DOCK8: variants seen among roughly 807,000 people sequenced by gnomAD.
DOCK8 encodes the protein dedicator of cytokinesis protein 8.
A neutral mutation model predicts 245.6 loss-of-function variants in DOCK8; 141 were observed. That is an observed-to-expected ratio of 0.57 (90% CI 0.50 to 0.66). The LOEUF is 0.66. Ranked by LOEUF, DOCK8 falls within the 30% of genes least tolerant of loss-of-function variation. The pLI, the probability that DOCK8 is intolerant of heterozygous loss-of-function variation, is 0.00. For missense variants in DOCK8, 2,965 were observed against 2,603.4 expected (o/e 1.14, Z -3.02); for synonymous variants, 1,168 against 970.2 (o/e 1.20, Z -3.79).
chr9:246,546 C>A (rs1197607517), intron 1 of DOCK8, among the ~76,000 whole-genome samples: 2 of 151,856 alleles, frequency 1.3e-5, no homozygotes, highest in African/African-American at 2.4e-5. Context: ...AAAAATGTTC[C>A]CTTAGATCCA....
intron 1 of DOCK8, among the ~76,000 whole-genome samples, chr9:250,222 C>T (rs1467459418): frequency 6.6e-6 from 1 of 152,096 alleles, no homozygotes; most frequent in Non-Finnish European, 1.5e-5. Context: ...CAGGAAATGG[C>T]CAAGGCTCAT....
intron 7 of DOCK8, among the ~76,000 whole-genome samples, chr9:322,732 G>T (rs2050570833): frequency 1.3e-5 from 2 of 152,166 alleles, no homozygotes; most frequent in South Asian, 4.1e-4. Flanking sequence ...CCTTTGTGTA[G>T]TAGGGAGTAA....
At chr9:292,143 G>C (rs919696080) in intron 4 of DOCK8, among the ~76,000 whole-genome samples, 11 of 149,222 alleles carry the variant, frequency 7.4e-5, no homozygotes, top group African/African-American at 2.5e-4. Context: ...GGCCAAGACG[G>C]GTGGATCACC....
chr9:444,109 A>G (rs929096284), intron 43 of DOCK8, among the ~76,000 whole-genome samples: 5 of 152,044 alleles, frequency 3.3e-5, no homozygotes. Context: ...CACTTTCACA[A>G]GAGGGTATGT....
At chr9:343,065 A>G (rs148336271) in intron 14 of DOCK8, among the ~76,000 whole-genome samples, 242 of 152,254 alleles carry the variant, frequency 1.6e-3, no homozygotes, top group African/African-American at 5.4e-3. Context: ...CCTCACCCAT[A>G]CTTTCCAGTA....
chr9:271,275 C>T (rs2048158552), intron 1 of DOCK8, among the ~76,000 whole-genome samples: 1 of 152,168 alleles, frequency 6.6e-6, no homozygotes, highest in South Asian at 2.1e-4. Flanking sequence ...GGATTCTAGT[C>T]AGATACCAGA....
At chr9:361,284 G>C (rs1382810261) in intron 14 of DOCK8, among the ~76,000 whole-genome samples, 1 of 152,126 alleles carries the variant, frequency 6.6e-6, no homozygotes, top group Non-Finnish European at 1.5e-5. Flanking sequence ...CACAGACTGA[G>C]AGAAATGGAA....
At chr9:360,421 A>C (rs1212370046) in intron 14 of DOCK8, among the ~76,000 whole-genome samples, 3 of 152,126 alleles carry the variant, frequency 2.0e-5, no homozygotes, top group Non-Finnish European at 4.4e-5. Flanking sequence ...AGATTTCCCT[A>C]AGCTGGAAGC....
intron 3 of DOCK8, among the ~76,000 whole-genome samples, chr9:287,947 G>A (rs1336369985): frequency 6.6e-6 from 1 of 152,098 alleles, no homozygotes; most frequent in Non-Finnish European, 1.5e-5. Flanking sequence ...GCTGAGGCAA[G>A]AGGATCACTT....
Position 286,652 on chromosome 9 carries a change from A to C in DOCK8, c.332+16A>C. On this transcript the variant is annotated intron_variant, in intron 3 of 47. Transcript: ENST00000432829. ...CGGAGGAAGGGTAAATAGTTTTCTA[A>C]AATGTAGATGTGATTGGGATTGTCA... is the stretch of plus-strand genomic sequence containing the variant. 6.2e-7 allele frequency: 1 copy of C among 1,613,178 alleles called. No individual in the cohort carries two copies. Among genetic ancestry groups the C allele is most frequent in the Non-Finnish European group, 8.5e-7 (1 of 1,179,242 alleles).
chr9:419,655 T>A (rs1219701001), intron 30 of DOCK8, among the ~76,000 whole-genome samples: 1 of 152,192 alleles, frequency 6.6e-6, no homozygotes, highest in Non-Finnish European at 1.5e-5. Context: ...ACCAGTACAT[T>A]CCACTGGATA....
chr9:399,063 T>C (rs916813371), intron 25 of DOCK8, 83 bp from the exon 26 acceptor site: 4 of 1,277,834 alleles, frequency 3.1e-6, no homozygotes, highest in Non-Finnish European at 4.5e-6. Flanking sequence ...AGGACCTGTC[T>C]CTCCCAATGT....
intron 10 of DOCK8, 112 bp downstream of exon 10, chr9:332,590 G>C (rs1329583006): frequency 1.3e-4 from 64 of 493,948 alleles, no homozygotes; most frequent in East Asian, 5.1e-4. Flanking sequence ...CCCTATATAA[G>C]ACACTACTAC....
intron 1 of DOCK8, among the ~76,000 whole-genome samples, chr9:221,398 C>G (rs190377544): frequency 3.3e-5 from 5 of 152,280 alleles, no homozygotes; most frequent in Admixed American, 2.6e-4. Context: ...ATAGTTGCAT[C>G]TGTACTGAAC....
At chr9:413,893 G>GC (rs748844968) in intron 28 of DOCK8, among the ~76,000 whole-genome samples, 1 of 152,204 alleles carries the variant, frequency 6.6e-6, no homozygotes, top group Non-Finnish European at 1.5e-5. Flanking sequence ...TATAATCTCA[G>GC]CACTTTGGGA....
chr9:449,720 C>T, intron 44 of DOCK8, 64 bp from the exon 45 acceptor site: 1 of 1,610,118 alleles, frequency 6.2e-7, no homozygotes, highest in Non-Finnish European at 8.5e-7. Flanking sequence ...TGTCATAGCT[C>T]CAGGCTTGTC....
At chr9:364,848 T>C (rs73641532) in intron 14 of DOCK8, among the ~76,000 whole-genome samples, 6,622 of 152,204 alleles carry the variant, frequency 0.044, 197 homozygotes, top group African/African-American at 0.071. Context: ...AAGATAATCA[T>C]ATGATTATGA....
intron 1 of DOCK8, among the ~76,000 whole-genome samples, chr9:223,480 C>T (rs1035875544): frequency 2.2e-4 from 34 of 152,038 alleles, no homozygotes; most frequent in African/African-American, 6.8e-4. Flanking sequence ...CATAGCCCTC[C>T]GTGACTTCAA....
At chr9:234,296 G>A (rs1393186244) in intron 1 of DOCK8, among the ~76,000 whole-genome samples, 2 of 152,186 alleles carry the variant, frequency 1.3e-5, no homozygotes, top group East Asian at 3.8e-4. Flanking sequence ...CCCTTTGTGG[G>A]TAACCCGACC....
Sources: gnomAD v4.1 joint callset for allele counts (sites outside exome capture counted in the v4.1 genomes callset) on GRCh38, gnomAD v4.1.1 for gene constraint, MANE v1.5 for transcripts, NCBI Gene and HGNC (gene_info 2026-07-23, HGNC 2026-07-21) for gene names.